TEAD1: variants seen among roughly 807,000 people sequenced by gnomAD.
TEAD1 encodes the protein TEA domain transcription factor 1.
TEAD1 carries 9 observed loss-of-function variants against 54.9 expected under a neutral mutation model. The ratio of observed to expected loss-of-function variants is 0.16; its 90% CI spans 0.10 to 0.29. TEAD1 has a LOEUF of 0.29. Ranked by LOEUF, TEAD1 falls within the 10% of genes least tolerant of loss-of-function variation. The pLI is 1.00. For synonymous variants in TEAD1, 200 were observed against 187.8 expected (o/e 1.07, Z -0.53); for missense variants, 387 against 535.9 (o/e 0.72, Z 2.74).
At position 12,674,583 on chromosome 11, in the gene TEAD1, CCCGGGG is replaced by C. The variant is rs1943034431; in HGVS notation, c.-457_-452del. On this transcript the variant is annotated 5_prime_UTR_variant, in exon 1 of 13. Transcript: ENST00000527636. ...GCCATTCCGCGCGGCGGGGCCCGGGCCCGGGGCGGCCGCGTCCAGGCACAGGCCATG... is the reference window on the plus strand; with the variant it reads ...GCCATTCCGCGCGGCGGGGCCCGGGCCGGCCGCGTCCAGGCACAGGCCATG... 1 of 151,040 alleles carries C rather than the reference CCCGGGG, an allele frequency of 6.6e-6. No individual in the cohort carries two copies. Among genetic ancestry groups the C allele is most frequent in the Non-Finnish European group, 1.5e-5 (1 of 67,808 alleles). The allele number at this position is 151,040 out of a possible 1,614,324, so 9.4% of individuals were successfully genotyped here.
intron 12 of TEAD1, 111 bp downstream of exon 12, chr11:12,930,437 T>C (rs2134170313): frequency 3.7e-6 from 5 of 1,347,124 alleles, no homozygotes; most frequent in Non-Finnish European, 5.3e-6. Context: ...ACTGACCAGG[T>C]TGTTGGATTG....
chr11:12,865,092 C>G, intron 5 of TEAD1, 192 bp downstream of exon 5: 1 of 686,960 alleles, frequency 1.5e-6, no homozygotes, highest in East Asian at 2.8e-5. Flanking sequence ...TGTGTGTGAG[C>G]GCGTGTGTGT....
chr11:12,827,571 A>T (rs893447932), intron 3 of TEAD1, among the ~76,000 whole-genome samples: 5 of 152,224 alleles, frequency 3.3e-5, no homozygotes, highest in African/African-American at 1.2e-4. Context: ...GACAGCAGAC[A>T]TTTGAATCCC....
At chr11:12,740,506 G>T (rs1042680349) in intron 2 of TEAD1, among the ~76,000 whole-genome samples, 2 of 152,166 alleles carry the variant, frequency 1.3e-5, no homozygotes, top group Non-Finnish European at 2.9e-5. Flanking sequence ...ATACCTGAAC[G>T]TGGGTAATTT....
chr11:12,716,511 C>T (rs1051993046), intron 2 of TEAD1, among the ~76,000 whole-genome samples: 1 of 152,160 alleles, frequency 6.6e-6, no homozygotes, highest in African/African-American at 2.4e-5. Flanking sequence ...TCATTTTTAG[C>T]AGTGTCCTGG....
chr11:12,800,781 T>G (rs10741603), intron 3 of TEAD1, among the ~76,000 whole-genome samples: 5 of 152,236 alleles, frequency 3.3e-5, no homozygotes, highest in African/African-American at 7.2e-5. Context: ...CTTTCCTCCC[T>G]TCTCTGCCCC....
intron 3 of TEAD1, among the ~76,000 whole-genome samples, chr11:12,811,112 C>A (rs2133988334): frequency 6.6e-6 from 1 of 152,300 alleles, no homozygotes; most frequent in Non-Finnish European, 1.5e-5. Flanking sequence ...CAGCTATGTC[C>A]ACGGCGATTG....
chr11:12,791,623 T>C (rs139103528), intron 3 of TEAD1, among the ~76,000 whole-genome samples: 45 of 152,292 alleles, frequency 3.0e-4, no homozygotes, highest in African/African-American at 1.0e-3. Context: ...CTTAGAGTTG[T>C]CTACAAAGTT....
intron 9 of TEAD1, among the ~76,000 whole-genome samples, chr11:12,885,253 T>G (rs1243212296): frequency 1.0e-5 from 1 of 96,098 alleles, no homozygotes; most frequent in Non-Finnish European, 2.2e-5. Context: ...TTTTTTTTTT[T>G]GAGACAGCGT....
intron 10 of TEAD1, among the ~76,000 whole-genome samples, chr11:12,912,551 A>G (rs920115190): frequency 1.3e-5 from 2 of 152,134 alleles, no homozygotes; most frequent in Non-Finnish European, 2.9e-5. Flanking sequence ...CCGAACTCAG[A>G]GAATAGGGAG....
Position 12,881,950 on chromosome 11 carries a change from C to T in TEAD1, c.567C>T (p.Pro189=), listed in dbSNP as rs140954414. Residue 189 remains proline, a synonymous_variant, in exon 8 of 13, where the codon CCC becomes CCT. Coordinates refer to ENST00000527636, the MANE Select transcript of TEAD1 (RefSeq NM_021961.6). ...CCATCCAGCCAGCGGTCACAGCCCC[C>T]ATTCCAGGTGAGTGTCCCTGAAACT... 2 of 1,614,214 alleles carry T rather than the reference C, an allele frequency of 1.2e-6. No individual in the cohort carries two copies. The highest frequency in any genetic ancestry group is 2.2e-5 in the East Asian group (1 of 44,874).
intron 2 of TEAD1, among the ~76,000 whole-genome samples, chr11:12,700,599 C>CT (rs199843238): frequency 6.6e-6 from 1 of 152,020 alleles, no homozygotes; most frequent in African/African-American, 2.4e-5. Flanking sequence ...ATCTTAGAAA[C>CT]TTTTTTTTCT....
chr11:12,734,925 C>G (rs1048983046), intron 2 of TEAD1, among the ~76,000 whole-genome samples: 1 of 152,188 alleles, frequency 6.6e-6, no homozygotes, highest in Non-Finnish European at 1.5e-5. Context: ...CTGAAACACA[C>G]AAACACACCG....
intron 3 of TEAD1, among the ~76,000 whole-genome samples, chr11:12,808,098 A>T (rs927243780): frequency 6.6e-6 from 1 of 152,188 alleles, no homozygotes; most frequent in Non-Finnish European, 1.5e-5. Flanking sequence ...AAAAGATGAG[A>T]AGGAAAATTA....
At chr11:12,933,537 T>G (rs1949049783) in intron 12 of TEAD1, among the ~76,000 whole-genome samples, 1 of 152,220 alleles carries the variant, frequency 6.6e-6, no homozygotes. Flanking sequence ...TATACTATAT[T>G]TCTAAAATTT....
At chr11:12,762,629 T>C (rs1169265866) in intron 2 of TEAD1, among the ~76,000 whole-genome samples, 1 of 152,180 alleles carries the variant, frequency 6.6e-6, no homozygotes, top group African/African-American at 2.4e-5. Flanking sequence ...TTTGTGTATT[T>C]TTTTTTTAAA....
At chr11:12,922,308 T>C (rs1450126421) in intron 10 of TEAD1, 8 of 77,286 alleles carry the variant, frequency 1.0e-4, no homozygotes, top group African/African-American at 4.0e-4. Context: ...GCCATTCTCC[T>C]GCCTCAGCCT....
At chr11:12,892,624 A>G (rs1589965526) in intron 9 of TEAD1, among the ~76,000 whole-genome samples, 1 of 152,228 alleles carries the variant, frequency 6.6e-6, no homozygotes, top group Non-Finnish European at 1.5e-5. Flanking sequence ...AGCCTGGGCA[A>G]CAGAGGAGAC....
At chr11:12,764,769 G>C (rs1347480166) in intron 3 of TEAD1, among the ~76,000 whole-genome samples, 1 of 151,394 alleles carries the variant, frequency 6.6e-6, no homozygotes, top group African/African-American at 2.4e-5. Context: ...ACACAGACCA[G>C]ATCACAAGGA....
Sources: allele counts gnomAD v4.1 joint callset (sites outside exome capture counted in the v4.1 genomes callset), GRCh38; gene constraint gnomAD v4.1.1; transcripts MANE v1.5; gene names NCBI Gene and HGNC (gene_info 2026-07-23, HGNC 2026-07-21).